SPAG16: variants seen among roughly 807,000 people sequenced by gnomAD.
The protein encoded by SPAG16 is sperm associated antigen 16, also known as sperm-associated antigen 16 protein.
SPAG16 carries 86 observed loss-of-function variants against 80.4 expected under a neutral mutation model. The ratio of observed to expected loss-of-function variants is 1.07; its 90% CI spans 0.90 to 1.28. The LOEUF is 1.28. Ranked by LOEUF, SPAG16 falls within the 50% of genes most tolerant of loss-of-function variation. The pLI, the probability that SPAG16 is intolerant of heterozygous loss-of-function variation, is 0.00. For synonymous variants in SPAG16, 294 were observed against 265.9 expected, an observed-to-expected ratio of 1.11 and a Z score of -1.03; for missense variants, 870 against 765.3, an observed-to-expected ratio of 1.14 and a Z score of -1.61.
chr2:213,369,478 C>A (rs1419440258), intron 8 of SPAG16, among the ~76,000 whole-genome samples: 1 of 152,044 alleles, frequency 6.6e-6, no homozygotes, highest in Non-Finnish European at 1.5e-5. Flanking sequence ...TAGTTACATG[C>A]CTGTTTATAT....
chr2:213,677,407 A>G (rs565016696), intron 10 of SPAG16, among the ~76,000 whole-genome samples: 4 of 152,136 alleles, frequency 2.6e-5, no homozygotes, highest in Non-Finnish European at 4.4e-5. Flanking sequence ...GGCTCAAAAT[A>G]AAAGGATGGA....
chr2:214,363,922 A>G (rs1398635280), intron 15 of SPAG16, among the ~76,000 whole-genome samples: 4 of 152,130 alleles, frequency 2.6e-5, no homozygotes, highest in Non-Finnish European at 5.9e-5. Flanking sequence ...TGTTACAAAC[A>G]TTCAAGCATG....
chr2:214,230,794 G>C (rs1292392207), intron 15 of SPAG16, among the ~76,000 whole-genome samples: 1 of 151,970 alleles, frequency 6.6e-6, no homozygotes, highest in East Asian at 1.9e-4. Context: ...GGTGATGAAT[G>C]GGGAGGCAAT....
chr2:213,930,525 C>T (rs1044022849), intron 12 of SPAG16, among the ~76,000 whole-genome samples: 5 of 152,056 alleles, frequency 3.3e-5, no homozygotes, highest in African/African-American at 7.2e-5. Flanking sequence ...AATAGTTCAA[C>T]GAACGTAAAT....
rs372673398 is a variant in SPAG16, at chr2:213,896,592, G to GCACACACACACA, written c.1215-33355_1215-33344dup. On this transcript the variant is annotated intron_variant, in intron 11 of 15. Transcript: ENST00000331683. ...AAATGTGATATATACACACACACAC[G>GCACACACACACA]CACACACACACACACACACACACAT... Among the ~76,000 whole-genome samples the GCACACACACACA allele has an allele frequency of 3.9e-3, 441 of 111,920 alleles. 11 individuals carry two copies. The highest frequency in any genetic ancestry group is 0.014 in the African/African-American group (406 of 29,876). 73.4% of individuals were successfully genotyped at this position (111,920 alleles called of 152,430 possible).
chr2:213,430,755 G>A (rs2070242671), intron 9 of SPAG16, among the ~76,000 whole-genome samples: 1 of 152,032 alleles, frequency 6.6e-6, no homozygotes, highest in Admixed American at 6.6e-5. Flanking sequence ...GCAGCAAGAT[G>A]GACTTCCAAA....
intron 15 of SPAG16, among the ~76,000 whole-genome samples, chr2:214,168,328 T>C (rs965358607): frequency 4.6e-5 from 7 of 152,092 alleles, no homozygotes; most frequent in African/African-American, 1.7e-4. Context: ...TTTTCGCCTC[T>C]GTAAAATGAG....
intron 12 of SPAG16, among the ~76,000 whole-genome samples, chr2:213,938,655 A>T (rs1050766249): frequency 2.0e-5 from 3 of 151,982 alleles, no homozygotes; most frequent in African/African-American, 7.2e-5. Context: ...AATAATTTTA[A>T]TTTAAATAAA....
In SPAG16 at chr2:213,332,106, A is replaced by T. The variant is rs894662582; in HGVS notation, c.537-8057A>T. 7.9e-5 allele frequency among the ~76,000 whole-genome samples: 12 copies of T among 152,324 alleles called. No homozygotes were observed. The East Asian group carries it at 1.7e-3, about 22-fold the overall frequency. On this transcript the variant is annotated intron_variant, in intron 5 of 15. Transcript: ENST00000331683. ...AAAAGTCAAGGAAACAAAAAATGTT[A>T]TTCTTTTGAAAAGATAAACAAAATC... is the stretch of plus-strand genomic sequence containing the variant.
At chr2:213,464,832 T>C (rs1416087999) in intron 9 of SPAG16, among the ~76,000 whole-genome samples, 2 of 152,214 alleles carry the variant, frequency 1.3e-5, no homozygotes, top group African/African-American at 2.4e-5. Flanking sequence ...TTAAGAACTT[T>C]CCATTGGCTG....
intron 9 of SPAG16, among the ~76,000 whole-genome samples, chr2:213,452,268 C>T (rs1288237746): frequency 1.3e-5 from 2 of 152,138 alleles, no homozygotes; most frequent in African/African-American, 4.8e-5. Flanking sequence ...ACTCTCTTTA[C>T]CCTAACTACC....
chr2:214,049,178 G>C (rs1377078185), intron 13 of SPAG16, among the ~76,000 whole-genome samples: 1 of 152,170 alleles, frequency 6.6e-6, no homozygotes, highest in African/African-American at 2.4e-5. Flanking sequence ...ATTTTCAAAG[G>C]AGAAAATGTG....
rs1409851909 is a variant in SPAG16, at chr2:213,827,695, G to A, written c.1071-34790G>A. Among the ~76,000 whole-genome samples, 23 of 151,996 alleles carry A rather than the reference G, an allele frequency of 1.5e-4. 1 individual carries two copies. The highest frequency in any genetic ancestry group is 2.9e-5 in the Non-Finnish European group (2 of 67,982). On this transcript the variant is annotated intron_variant, in intron 10 of 15. Transcript: ENST00000331683. The stretch of plus-strand genomic sequence containing the variant: ...TGAATGACTCCCTTTAGCATTTCTT[G>A]TAGGACAGGTCTGGTGTTGAAATTC...
chr2:214,215,306 G>GCT (rs1183386213), intron 15 of SPAG16, among the ~76,000 whole-genome samples: 2 of 151,902 alleles, frequency 1.3e-5, no homozygotes, highest in Non-Finnish European at 2.9e-5. Context: ...CTGACCTCTG[G>GCT]CTCACCTCCA....
At chr2:213,360,959 A>T (rs1297804988) in intron 7 of SPAG16, among the ~76,000 whole-genome samples, 3 of 152,132 alleles carry the variant, frequency 2.0e-5, no homozygotes, top group African/African-American at 7.2e-5. Flanking sequence ...TACTTCCTTA[A>T]AAACTTTATC....
intron 14 of SPAG16, among the ~76,000 whole-genome samples, chr2:214,145,862 C>G (rs1290655701): frequency 6.6e-6 from 1 of 152,106 alleles, no homozygotes; most frequent in East Asian, 1.9e-4. Context: ...TTCATTCATT[C>G]AATTGTTTAT....
chr2:213,752,121 A>G (rs930839095), intron 10 of SPAG16, among the ~76,000 whole-genome samples: 4 of 152,160 alleles, frequency 2.6e-5, no homozygotes, highest in Non-Finnish European at 5.9e-5. Context: ...GTTACTTCAT[A>G]TCTCTGAATA....
chr2:213,751,273 T>C lies in SPAG16; in HGVS notation c.1071-111212T>C, dbSNP rs186320161. Among the ~76,000 whole-genome samples, 4 of 152,266 alleles carry C rather than the reference T, an allele frequency of 2.6e-5. No homozygotes were observed. In the East Asian group the frequency reaches 7.7e-4, roughly 29 times the overall value. ...CTGGTCATAACCTAGTTAAAATTTC[T>C]CCTCCACGTATGGTTGCTTGCAATA... is the stretch of plus-strand genomic sequence containing the variant. On this transcript the variant is annotated intron_variant, in intron 10 of 15. Transcript: ENST00000331683.
intron 14 of SPAG16, among the ~76,000 whole-genome samples, chr2:214,142,037 A>AC (rs2055389623): frequency 2.0e-5 from 3 of 151,088 alleles, no homozygotes; most frequent in African/African-American, 7.3e-5. Flanking sequence ...ATGTAACTCC[A>AC]CCCCCACCCT....
Sources: allele counts gnomAD v4.1 joint callset (sites outside exome capture counted in the v4.1 genomes callset), GRCh38; gene constraint gnomAD v4.1.1; transcripts MANE v1.5; gene names NCBI Gene and HGNC (gene_info 2026-07-23, HGNC 2026-07-21).